Variants in ILK observed in about 807,000 individuals in gnomAD.
The protein encoded by ILK is scaffold protein ILK.
ILK carries 37 observed loss-of-function variants against 57.8 expected under a neutral mutation model. The observed-to-expected ratio is 0.64, with a 90% CI of 0.49 to 0.84. The LOEUF is 0.84. Ranked by LOEUF, ILK falls within the 40% of genes least tolerant of loss-of-function variation. The pLI, the probability that ILK is intolerant of heterozygous loss-of-function variation, is 0.00. For synonymous variants in ILK, 231 were observed against 202.2 expected (o/e 1.14, Z -1.21); for missense variants, 528 against 595.7 (o/e 0.89, Z 1.18).
At position 6,608,621 on chromosome 11, in the gene ILK, T is replaced by C; in HGVS notation, c.352-73T>C. The C allele has an allele frequency of 7.2e-7, 1 of 1,384,600 alleles. No homozygotes were observed. The highest frequency in any genetic ancestry group is 1.2e-5 in the South Asian group (1 of 86,340). The allele number at this position is 1,384,600 out of a possible 1,614,324, so 85.8% of individuals were successfully genotyped here. A position where few individuals can be genotyped will look rare whatever the true frequency, so the allele number is the denominator to read the frequency against. On this transcript the variant is annotated intron_variant, in intron 4 of 12. Coordinates refer to ENST00000299421, the MANE Select transcript of ILK (RefSeq NM_004517.4). This position sits in a 1 kb window ranked among gnomAD's most constrained non-coding sequence, Gnocchi z 4.9. ...CTTACAGGATTAAGTTCTACATTTGTGCATTCATGGTTGGTTCAGTGACTG... is the reference window on the plus strand; with the variant it reads ...CTTACAGGATTAAGTTCTACATTTGCGCATTCATGGTTGGTTCAGTGACTG...
rs779981802 is a variant in ILK at position 6,608,719 on chromosome 11, T to C, written c.377T>C (p.Val126Ala). ...GACCTGGTGGCAAATGGGGCCCTTG[T>C]CAGCATCTGTAACAAGTATGGAGAG... ...AEDLVANGAL[V>A]SICNKYGEMP... The change falls in exon 5 of 13, where the codon GTC becomes GCC. Residue 126 changes from valine (V) to alanine (A), a missense_variant. By Grantham distance (64) the Val-to-Ala change is moderately conservative. Transcript: ENST00000299421. This position sits in a 1 kb window ranked among gnomAD's most constrained non-coding sequence, Gnocchi z 4.9. 33 of 1,614,140 alleles carry C rather than the reference T, an allele frequency of 2.0e-5. No individual in the cohort carries two copies. The highest frequency in any genetic ancestry group is 2.5e-5 in the Non-Finnish European group (30 of 1,179,966).
At chr11:6,605,000 G>A (rs2134524434) in intron 2 of ILK, 1 of 430,446 alleles carries the variant, frequency 2.3e-6, no homozygotes, top group African/African-American at 2.0e-5. Flanking sequence ...AAGAATTGTG[G>A]AACTTGGTGT....
rs570718947 is a variant in ILK, at chr11:6,603,779, C to A, written c.-136C>A. 8.2e-5 allele frequency: 31 copies of A among 376,424 alleles called. No homozygotes were observed. Among genetic ancestry groups the A allele is most frequent in the African/African-American group, 6.2e-4 (29 of 46,636 alleles). 23.3% of individuals were successfully genotyped at this position (376,424 alleles called of 1,614,324 possible). On this transcript the variant is annotated 5_prime_UTR_variant, in exon 1 of 13. Coordinates refer to ENST00000299421, the MANE Select transcript of ILK (RefSeq NM_004517.4). ...GCCGGCGGCGGGCTGCGGGCGCGGC[C>A]GGACGGGAGTTCCCCGGAGAAGGAT...
chr11:6,610,716 T>C lies in ILK; in HGVS notation c.*105T>C, dbSNP rs894065148. 8.4e-5 allele frequency: 121 copies of C among 1,446,936 alleles called. No homozygotes were observed. Among genetic ancestry groups the C allele is most frequent in the Admixed American group, 2.1e-4 (12 of 56,180 alleles). The allele number at this position is 1,446,936 out of a possible 1,614,324, so 89.6% of individuals were successfully genotyped here. On this transcript the variant is annotated 3_prime_UTR_variant, in exon 13 of 13. Transcript: ENST00000299421. ...TGGTTGCCTCCCCCGCCTCCAGTCA[T>C]GGTACTACCCCAGCCATGGGGTCCA...
intron 7 of ILK, 59 bp from the exon 8 acceptor site, chr11:6,609,240 T>A: frequency 6.2e-7 from 1 of 1,602,602 alleles, no homozygotes; most frequent in Middle Eastern, 1.7e-4. Flanking sequence ...TTCCTCCAGT[T>A]AGTGGGCAAG....
In ILK at chr11:6,610,695, T is replaced by C; in HGVS notation, c.*84T>C. 6.5e-7 allele frequency: 1 copy of C among 1,544,988 alleles called. No homozygotes were observed. The highest frequency in any genetic ancestry group is 1.1e-5 in the South Asian group (1 of 88,566). On this transcript the variant is annotated 3_prime_UTR_variant, in exon 13 of 13. Transcript: ENST00000299421. ...CTCCCCAAAGCAGCAGGCCTCTGGT[T>C]GCCTCCCCCGCCTCCAGTCATGGTA...
Position 6,610,662 on chromosome 11 carries a change from G to A in ILK, c.*51G>A, listed in dbSNP as rs1333070700. The A allele has an allele frequency of 1.2e-6, 2 of 1,607,944 alleles. No homozygotes were observed. Among genetic ancestry groups the A allele is most frequent in the South Asian group, 1.1e-5 (1 of 90,724 alleles). On this transcript the variant is annotated 3_prime_UTR_variant, in exon 13 of 13. Transcript: ENST00000299421. ...CAGAGGTGTCGGGACATGGTTGGGG[G>A]AATGCACCTCCCCAAAGCAGCAGGC...
intron 2 of ILK, chr11:6,607,589 G>C (rs1036104021): frequency 1.7e-5 from 4 of 232,600 alleles, no homozygotes; most frequent in Admixed American, 1.6e-4. Flanking sequence ...CCACTAACAT[G>C]CACTGAACAG....
intron 2 of ILK, among the ~76,000 whole-genome samples, chr11:6,605,444 C>T (rs898575218): frequency 6.7e-6 from 1 of 149,774 alleles, no homozygotes; most frequent in Non-Finnish European, 1.5e-5. Context: ...AGGTAGTCAA[C>T]GGCAGTACAG....
rs1855417219 is a variant in ILK at position 6,610,684 on chromosome 11, A to C, written c.*73A>C. 2 of 1,588,072 alleles carry C rather than the reference A, an allele frequency of 1.3e-6. No homozygotes were observed. Among genetic ancestry groups the C allele is most frequent in the Non-Finnish European group, 1.7e-6 (2 of 1,158,618 alleles). Reference sequence around the variant, plus strand: ...GGGGAATGCACCTCCCCAAAGCAGCAGGCCTCTGGTTGCCTCCCCCGCCTC... The same window carrying C: ...GGGGAATGCACCTCCCCAAAGCAGCCGGCCTCTGGTTGCCTCCCCCGCCTC... On this transcript the variant is annotated 3_prime_UTR_variant, in exon 13 of 13. Transcript: ENST00000299421.
At position 6,608,997 on chromosome 11, in the gene ILK, T is replaced by TA. The variant is rs1405168777; in HGVS notation, c.532+34dup. Reference sequence around the variant, plus strand: ...GTCACCACTGTGGGAAGAAGGGTTGTAAAAGGAAATAATCCTGGCCTCTTG... The same window carrying TA: ...GTCACCACTGTGGGAAGAAGGGTTGTAAAAAGGAAATAATCCTGGCCTCTTG... On this transcript the variant is annotated intron_variant, in intron 6 of 12. Transcript: ENST00000299421. The surrounding 1 kb of genome is among the most constrained non-coding windows in gnomAD (Gnocchi z 4.9). The TA allele has an allele frequency of 6.2e-7, 1 of 1,613,280 alleles. No individual in the cohort carries two copies. The highest frequency in any genetic ancestry group is 8.5e-7 in the Non-Finnish European group (1 of 1,179,354).
chr11:6,607,128 T>A (rs1295556301), intron 2 of ILK: 16 of 152,488 alleles, frequency 1.0e-4, no homozygotes, highest in Admixed American at 1.0e-3. Context: ...ATCCGGAGGC[T>A]GCTGGCCCAG....
intron 12 of ILK, 40 bp downstream of exon 12, chr11:6,610,318 T>C (rs777180862): frequency 6.2e-7 from 1 of 1,613,850 alleles, no homozygotes; most frequent in Non-Finnish European, 8.5e-7. Context: ...GCGGGAGTGG[T>C]TGGTGATGGT....
In ILK at chr11:6,608,502, C is replaced by G; in HGVS notation, c.351+13C>G. ...TCAAGTGGCAGAGGTGAGTACTCAG[C>G]CCTTAATTCCTGAGATGGGTAGGAA... On this transcript the variant is annotated intron_variant, in intron 4 of 12. Transcript: ENST00000299421. The surrounding 1 kb of genome is among the most constrained non-coding windows in gnomAD (Gnocchi z 4.9). The G allele has an allele frequency of 6.3e-7, 1 of 1,599,104 alleles. No individual in the cohort carries two copies. The highest frequency in any genetic ancestry group is 8.6e-7 in the Non-Finnish European group (1 of 1,166,404).
At position 6,608,985 on chromosome 11, in the gene ILK, G is replaced by A; in HGVS notation, c.532+18G>A. 1.2e-6 allele frequency: 2 copies of A among 1,613,918 alleles called. No homozygotes were observed. The highest frequency in any genetic ancestry group is 2.2e-5 in the East Asian group (1 of 44,888). On this transcript the variant is annotated intron_variant, in intron 6 of 12. Coordinates refer to ENST00000299421, the MANE Select transcript of ILK (RefSeq NM_004517.4). This position sits in a 1 kb window ranked among gnomAD's most constrained non-coding sequence, Gnocchi z 4.9. ...TCGGCCCCGTGAGTCACCACTGTGGGAAGAAGGGTTGTAAAAGGAAATAAT... is the reference window on the plus strand; with the variant it reads ...TCGGCCCCGTGAGTCACCACTGTGGAAAGAAGGGTTGTAAAAGGAAATAAT...
At position 6,608,092 on chromosome 11, in the gene ILK, C is replaced by T. The variant is rs976603626; in HGVS notation, c.136C>T (p.Arg46Cys). The change falls in exon 3 of 13, where the codon CGC (arginine) becomes TGC (cysteine). Residue 46 changes from arginine to cysteine, a missense_variant. Physicochemically the swap from Arg to Cys is radical, Grantham distance 180. Transcript: ENST00000299421. The surrounding 1 kb of genome is among the most constrained non-coding windows in gnomAD (Gnocchi z 4.9). ...SPLHWACREG[R>C]SAVVEMLIMR... ...CTTGCACTGGGCCTGCCGAGAGGGCCGCTCTGCTGTGGTTGAGATGTTGAT... is the reference window on the plus strand; with the variant it reads ...CTTGCACTGGGCCTGCCGAGAGGGCTGCTCTGCTGTGGTTGAGATGTTGAT... The T allele has an allele frequency of 5.0e-6, 8 of 1,614,152 alleles. No individual in the cohort carries two copies. Among genetic ancestry groups the T allele is most frequent in the Admixed American group, 1.7e-5 (1 of 60,028 alleles).
Position 6,610,182 on chromosome 11 carries a change from C to G in ILK, c.1113C>G (p.Arg371=), listed in dbSNP as rs771345060. ...AGAAGCCTGAAGACACAAACAGACG[C>G]TCAGCAGACATGTGGAGTTTTGCAG... The part of the protein sequence containing the change: ...LQKKPEDTNR[R]SADMWSFAVL... The change falls in exon 12 of 13, where the codon CGC becomes CGG. Residue 371 remains arginine, a synonymous_variant. Transcript: ENST00000299421. 9.3e-6 allele frequency: 15 copies of G among 1,614,118 alleles called. No homozygotes were observed. The highest frequency in any genetic ancestry group is 1.3e-5 in the Non-Finnish European group (15 of 1,180,060).
intron 2 of ILK, chr11:6,606,857 G>A (rs1256008070): frequency 6.6e-6 from 1 of 152,222 alleles, no homozygotes; most frequent in Non-Finnish European, 1.5e-5. Context: ...TGATAAGTCA[G>A]GGCACAAATT....
chr11:6,609,692 C>T (rs777238244), intron 9 of ILK, 32 bp from the exon 10 acceptor site: 3 of 1,614,146 alleles, frequency 1.9e-6, no homozygotes, highest in Middle Eastern at 1.6e-4. Context: ...GAGGGAGCCT[C>T]TCTGAACTAT....
Sources: gnomAD v4.1 joint callset for allele counts (sites outside exome capture counted in the v4.1 genomes callset) on GRCh38, gnomAD v4.1.1 for gene constraint, Gnocchi (gnomAD v3.1) non-coding constraint, MANE v1.5 for transcripts, NCBI Gene and HGNC (gene_info 2026-07-23, HGNC 2026-07-21) for gene names.